Variants in FOCAD observed in about 807,000 individuals in gnomAD.
The protein encoded by FOCAD is KIAA1797.
FOCAD carries 198 observed loss-of-function variants against 225.6 expected under a neutral mutation model. The observed-to-expected ratio is 0.88, with a 90% confidence interval of 0.78 to 0.99. The LOEUF is 0.99. Among genes scored for constraint, FOCAD ranks in the 50% least tolerant of loss-of-function variants. FOCAD has a pLI of 0.00. For synonymous variants in FOCAD, 897 were observed against 755.0 expected, an observed-to-expected ratio of 1.19 and a Z score of -3.08; for missense variants, 2,713 against 2,123.6, an observed-to-expected ratio of 1.28 and a Z score of -5.46.
chr9:20,910,903 T>C (rs1833387155), intron 22 of FOCAD, among the ~76,000 whole-genome samples: 2 of 152,040 alleles, frequency 1.3e-5, no homozygotes, highest in African/African-American at 2.4e-5. Flanking sequence ...TTAGTCACAA[T>C]AGAATGGTCG....
At chr9:20,721,957 C>T (rs1419149930) in intron 4 of FOCAD, among the ~76,000 whole-genome samples, 2 of 46,976 alleles carry the variant, frequency 4.3e-5, no homozygotes, top group Non-Finnish European at 4.4e-5. Context: ...CTTCCCCTCC[C>T]CTCCCTTCTT....
At chr9:20,962,665 T>A (rs1008942576) in intron 35 of FOCAD, among the ~76,000 whole-genome samples, 2 of 152,156 alleles carry the variant, frequency 1.3e-5, no homozygotes, top group African/African-American at 4.8e-5. Flanking sequence ...GTATGTGCGA[T>A]AATGGGTCCT....
At chr9:20,983,572 A>T (rs1344106131) in intron 39 of FOCAD, among the ~76,000 whole-genome samples, 2 of 148,372 alleles carry the variant, frequency 1.3e-5, no homozygotes, top group African/African-American at 4.9e-5. Flanking sequence ...CTCTGTCTCA[A>T]AAAAAAAAAA....
In FOCAD at chr9:20,715,330, C is replaced by G; in HGVS notation, c.-24C>G. 1 of 1,486,262 alleles carries G rather than the reference C, an allele frequency of 6.7e-7. No individual in the cohort carries two copies. The highest frequency in any genetic ancestry group is 1.5e-5 in the South Asian group (1 of 67,330). 92.1% of individuals were successfully genotyped at this position (1,486,262 alleles called of 1,614,324 possible). A position where few individuals can be genotyped will look rare whatever the true frequency, so the allele number is the denominator to read the frequency against. On this transcript the variant is annotated 5_prime_UTR_variant, in exon 2 of 44. Transcript: ENST00000338382. The stretch of plus-strand genomic sequence containing the variant: ...TTTTGTTTTGGTTACAGAAGCTGCA[C>G]ACATACATGTAAGAGAAGCAAAAAT...
At position 20,943,935 on chromosome 9, in the gene FOCAD, T is replaced by C. The variant is rs192587789; in HGVS notation, c.3408-692T>C. ...ATGGATATGTATTCATTCAGGAGAA[T>C]TGGGGGCACAAAGCCCTAGATTTCA... On this transcript the variant is annotated intron_variant, in intron 28 of 43. Transcript: ENST00000338382. Among the ~76,000 whole-genome samples the C allele has an allele frequency of 2.0e-4, 30 of 152,334 alleles. No individual in the cohort carries two copies. In the East Asian group the frequency reaches 5.6e-3, roughly 28 times the overall value.
intron 4 of FOCAD, among the ~76,000 whole-genome samples, chr9:20,731,229 C>A (rs923467113): frequency 7.4e-5 from 11 of 147,744 alleles, no homozygotes; most frequent in Admixed American, 6.8e-4. Flanking sequence ...CACAGCGAGA[C>A]TTTGTCTCCA....
At chr9:20,931,734 C>T (rs541836722) in intron 27 of FOCAD, among the ~76,000 whole-genome samples, 1 of 152,034 alleles carries the variant, frequency 6.6e-6, no homozygotes, top group Non-Finnish European at 1.5e-5. Context: ...ATCATGTAAG[C>T]CCAGGAGTTT....
At chr9:20,773,474 A>G (rs1818438587) in intron 8 of FOCAD, among the ~76,000 whole-genome samples, 1 of 152,202 alleles carries the variant, frequency 6.6e-6, no homozygotes, top group Admixed American at 6.5e-5. Context: ...TATTTTGCAC[A>G]TAAGGCAAAT....
At chr9:20,677,472 T>C (rs1298286015) in intron 2 of FOCAD, among the ~76,000 whole-genome samples, 1 of 152,076 alleles carries the variant, frequency 6.6e-6, no homozygotes, top group African/African-American at 2.4e-5. Flanking sequence ...ATTTATGTGA[T>C]AAAGGGTTAA....
chr9:20,942,049 G>A (rs541407981), intron 28 of FOCAD, among the ~76,000 whole-genome samples: 1 of 152,148 alleles, frequency 6.6e-6, no homozygotes, highest in Non-Finnish European at 1.5e-5. Flanking sequence ...GTGCATACTG[G>A]AAAATTGAGA....
In FOCAD at chr9:20,770,217, C is replaced by T. The variant is rs571589809; in HGVS notation, c.885C>T (p.His295=). 3 of 1,613,880 alleles carry T rather than the reference C, an allele frequency of 1.9e-6. No individual in the cohort carries two copies. The highest frequency in any genetic ancestry group is 2.7e-5 in the African/African-American group (2 of 75,020). The part of the protein sequence containing the change: ...ECSSSIHLLE[H]SVELLKEDFP... ...CATCTTCAATTCACCTTTTAGAGCA[C>T]AGTGTTGAACTTCTGAAGGAGGTAA... Residue 295 remains histidine, a synonymous_variant, in exon 8 of 44, where the codon CAC becomes CAT. Coordinates refer to ENST00000338382, the MANE Select transcript of FOCAD (RefSeq NM_001375567.1).
intron 19 of FOCAD, among the ~76,000 whole-genome samples, chr9:20,879,979 C>G (rs896237284): frequency 6.6e-6 from 1 of 152,160 alleles, no homozygotes; most frequent in African/African-American, 2.4e-5. Flanking sequence ...CATCATAGTG[C>G]CTCTACCCTC....
At chr9:20,658,512 C>CATTT (rs1319737090) in intron 1 of FOCAD, 1 of 156,584 alleles carries the variant, frequency 6.4e-6, no homozygotes, top group African/African-American at 2.4e-5. Flanking sequence ...CGGAAAAGCG[C>CATTT]AGTATTCGGG....
At chr9:20,843,383 A>G (rs1268310975) in intron 15 of FOCAD, among the ~76,000 whole-genome samples, 1 of 152,046 alleles carries the variant, frequency 6.6e-6, no homozygotes, top group Admixed American at 6.6e-5. Context: ...ATACTGTTCA[A>G]GGATAGAAAT....
At chr9:20,903,864 C>T (rs1226142525) in intron 21 of FOCAD, among the ~76,000 whole-genome samples, 1 of 151,930 alleles carries the variant, frequency 6.6e-6, no homozygotes, top group East Asian at 1.9e-4. Flanking sequence ...TTTCAATCTC[C>T]TCCTTTCATG....
intron 26 of FOCAD, among the ~76,000 whole-genome samples, chr9:20,926,888 C>A (rs1207737593): frequency 6.6e-6 from 1 of 150,842 alleles, no homozygotes; most frequent in African/African-American, 2.4e-5. Context: ...TTTAAATACA[C>A]ACACACACGA....
rs1026066852 is a variant in FOCAD at position 20,715,340 on chromosome 9, T to C, written c.-14T>C. Reference sequence around the variant, plus strand: ...GTTACAGAAGCTGCACACATACATGTAAGAGAAGCAAAAATGTCAGATGAT... The same window carrying C: ...GTTACAGAAGCTGCACACATACATGCAAGAGAAGCAAAAATGTCAGATGAT... On this transcript the variant is annotated 5_prime_UTR_variant, in exon 2 of 44. An upstream open reading frame in the 5' UTR loses its in-frame stop. Transcript: ENST00000338382. 2.6e-6 allele frequency: 4 copies of C among 1,511,364 alleles called. No homozygotes were observed. The highest frequency in any genetic ancestry group is 3.6e-6 in the Non-Finnish European group (4 of 1,121,370). 93.6% of individuals were successfully genotyped at this position (1,511,364 alleles called of 1,614,324 possible).
intron 2 of FOCAD, among the ~76,000 whole-genome samples, chr9:20,667,446 AT>A (rs1563864927): frequency 1.3e-5 from 2 of 152,370 alleles, no homozygotes; most frequent in South Asian, 4.1e-4. Context: ...ATAATTGGGA[AT>A]TTAAATTGTA....
At chr9:20,981,349 G>A in intron 37 of FOCAD, 77 bp from the exon 38 acceptor site, 1 of 1,492,782 alleles carries the variant, frequency 6.7e-7, no homozygotes. Flanking sequence ...CTCAAACACA[G>A]TGATGATGTA....
Sources: allele counts gnomAD v4.1 joint callset (sites outside exome capture counted in the v4.1 genomes callset), GRCh38; gene constraint gnomAD v4.1.1; transcripts MANE v1.5; gene names NCBI Gene and HGNC (gene_info 2026-07-23, HGNC 2026-07-21).